The following ZNF280D variants were observed in gnomAD, a reference collection of about 807,000 sequenced individuals.
ZNF280D encodes zinc finger protein 280D, also known as suppressor of hairy wing homolog 4.
ZNF280D carries 39 observed loss-of-function variants against 94.7 expected under a neutral mutation model. The observed-to-expected ratio is 0.41, with a 90% CI of 0.32 to 0.54. ZNF280D has a LOEUF of 0.54. Among genes scored for constraint, ZNF280D ranks in the 20% least tolerant of loss-of-function variants. ZNF280D has a pLI of 0.22. For synonymous variants in ZNF280D, 398 were observed against 377.6 expected, an observed-to-expected ratio of 1.05 and a Z score of -0.63; for missense variants, 1,090 against 1,149.3, an observed-to-expected ratio of 0.95 and a Z score of 0.75.
chr15:56,654,698 T>C, intron 17 of ZNF280D, 195 bp from the exon 18 acceptor site: 3 of 630,176 alleles, frequency 4.8e-6, no homozygotes, highest in Non-Finnish European at 8.8e-6. Flanking sequence ...TGCTACCATT[T>C]ATTTACAGAA....
intron 19 of ZNF280D, among the ~76,000 whole-genome samples, chr15:56,643,396 C>T (rs1418868962): frequency 2.0e-5 from 3 of 151,478 alleles, no homozygotes; most frequent in African/African-American, 7.3e-5. Context: ...TTTACGATTA[C>T]AGGACTTAAG....
intron 17 of ZNF280D, among the ~76,000 whole-genome samples, chr15:56,655,638 T>C (rs1424823064): frequency 6.6e-6 from 1 of 152,256 alleles, no homozygotes; most frequent in African/African-American, 2.4e-5. Flanking sequence ...TCTAACTGTT[T>C]AGCATTTGCT....
intron 20 of ZNF280D, among the ~76,000 whole-genome samples, chr15:56,640,662 T>G (rs1210691137): frequency 6.6e-6 from 1 of 152,148 alleles, no homozygotes; most frequent in African/African-American, 2.4e-5. Context: ...CAATTTCTCT[T>G]GAACAAGTGA....
chr15:56,632,207 T>C, intron 21 of ZNF280D, 85 bp from the exon 22 acceptor site: 2 of 1,273,840 alleles, frequency 1.6e-6, no homozygotes, highest in Non-Finnish European at 2.1e-6. Flanking sequence ...TTCTAAAAAA[T>C]AAAAAGTCAA....
At chr15:56,635,061 A>T in intron 21 of ZNF280D, 134 bp downstream of exon 21, 2 of 421,372 alleles carry the variant, frequency 4.7e-6, no homozygotes, top group Non-Finnish European at 8.3e-6. Context: ...TATTTTAATT[A>T]AGAGCCATTA....
intron 1 of ZNF280D, among the ~76,000 whole-genome samples, chr15:56,713,618 G>C (rs541279301): frequency 1.3e-5 from 2 of 152,066 alleles, no homozygotes; most frequent in Non-Finnish European, 2.9e-5. Context: ...GAGCTTAAAG[G>C]ATACAAAGTG....
rs1403147491 is a variant in ZNF280D, at chr15:56,630,670, A to G, written c.*828T>C. ...ATTTCTAAGGAAGATCATTAAAACA[A>G]TATTAAAAGCATAATAGCTACAGGA... On this transcript the variant is annotated 3_prime_UTR_variant, in exon 22 of 22. Transcript: ENST00000267807. The G allele has an allele frequency of 6.6e-6, 1 of 152,170 alleles. No homozygotes were observed. The highest frequency in any genetic ancestry group is 1.5e-5 in the Non-Finnish European group (1 of 68,014). The allele number at this position is 152,170 out of a possible 1,614,324, so 9.4% of individuals were successfully genotyped here.
rs748736243 is a variant in ZNF280D, at chr15:56,701,185, C to T, written c.229G>A (p.Ala77Thr). 5.6e-6 allele frequency: 9 copies of T among 1,593,192 alleles called. No homozygotes were observed. The highest frequency in any genetic ancestry group is 7.7e-6 in the Non-Finnish European group (9 of 1,169,274). Residue 77 changes from alanine to threonine, a missense_variant, in exon 5 of 22, where the codon GCA (alanine) becomes ACA (threonine). This residue lies in a region of ZNF280D where 386 missense variants were observed against 372.0 expected (regional missense o/e 1.04). Transcript: ENST00000267807. ...AATAATACTGTACCTCGACTGAGTG[C>T]ACCATTCTTTAGTCCCCTTGAATAT... Reference protein sequence around the residue: ...SSYSRGLKNGALSRGITAAFK... With the variant: ...SSYSRGLKNGTLSRGITAAFK...
Position 56,707,299 on chromosome 15 carries a change from T to C in ZNF280D, c.-78A>G. 4 of 1,530,280 alleles carry C rather than the reference T, an allele frequency of 2.6e-6. No individual in the cohort carries two copies. Among genetic ancestry groups the C allele is most frequent in the Non-Finnish European group, 3.5e-6 (4 of 1,142,440 alleles). 94.8% of individuals were successfully genotyped at this position (1,530,280 alleles called of 1,614,324 possible). A position where few individuals can be genotyped will look rare whatever the true frequency, so the allele number is the denominator to read the frequency against. ...AGACAAGCCAGCAAGTTATTTCTGT[T>C]TTCCTTCCTATAAAATAAAGATACC... On this transcript the variant is annotated 5_prime_UTR_variant, in exon 2 of 22. Transcript: ENST00000267807.
chr15:56,662,859 A>T (rs2054039063), intron 16 of ZNF280D, among the ~76,000 whole-genome samples: 1 of 151,080 alleles, frequency 6.6e-6, no homozygotes, highest in Non-Finnish European at 1.5e-5. Context: ...GGCAAAATAG[A>T]TGAATAGTAC....
chr15:56,724,011 T>A (rs1210915552), intron 1 of ZNF280D, among the ~76,000 whole-genome samples: 1 of 152,228 alleles, frequency 6.6e-6, no homozygotes, highest in Non-Finnish European at 1.5e-5. Context: ...TTTACCCTCA[T>A]GATCATGTGG....
At chr15:56,632,247 G>T in intron 21 of ZNF280D, 125 bp from the exon 22 acceptor site, 1 of 912,634 alleles carries the variant, frequency 1.1e-6, no homozygotes, top group Non-Finnish European at 1.6e-6. Context: ...AAGGAAAACA[G>T]TCCAAGTTCC....
intron 20 of ZNF280D, among the ~76,000 whole-genome samples, chr15:56,641,507 G>T (rs1029357842): frequency 3.3e-5 from 5 of 151,866 alleles, no homozygotes; most frequent in African/African-American, 9.7e-5. Flanking sequence ...TGCCCATAAT[G>T]TAACTATATG....
intron 9 of ZNF280D, among the ~76,000 whole-genome samples, chr15:56,686,868 T>C (rs557498953): frequency 6.6e-6 from 1 of 152,106 alleles, no homozygotes; most frequent in Non-Finnish European, 1.5e-5. Context: ...ATTAATGAAA[T>C]AATGTATTTA....
chr15:56,699,237 A>G (rs1378130282), intron 6 of ZNF280D: 2 of 308,770 alleles, frequency 6.5e-6, no homozygotes, highest in Non-Finnish European at 9.5e-6. Context: ...GATATGTAAA[A>G]TAACAAGGCT....
chr15:56,641,599 T>C (rs1371963995), intron 20 of ZNF280D, among the ~76,000 whole-genome samples: 1 of 151,830 alleles, frequency 6.6e-6, no homozygotes, highest in Non-Finnish European at 1.5e-5. Flanking sequence ...ATATATCCTT[T>C]GTACAATACT....
intron 1 of ZNF280D, among the ~76,000 whole-genome samples, chr15:56,728,315 C>T (rs1462896047): frequency 2.0e-5 from 3 of 152,190 alleles, no homozygotes; most frequent in African/African-American, 2.4e-5. Flanking sequence ...CCACCACACC[C>T]GGCCTTGATA....
At chr15:56,714,775 C>A (rs1446164807) in intron 1 of ZNF280D, among the ~76,000 whole-genome samples, 1 of 152,162 alleles carries the variant, frequency 6.6e-6, no homozygotes, top group African/African-American at 2.4e-5. Flanking sequence ...CAAAACAATT[C>A]TCCAAGTTAG....
At chr15:56,709,249 C>G (rs2057607562) in intron 1 of ZNF280D, among the ~76,000 whole-genome samples, 1 of 152,136 alleles carries the variant, frequency 6.6e-6, no homozygotes, top group Non-Finnish European at 1.5e-5. Context: ...CCAACAGACA[C>G]ATGAAAAAAT....
Sources: gnomAD v4.1 joint callset for allele counts (sites outside exome capture counted in the v4.1 genomes callset) on GRCh38, gnomAD v4.1.1 for gene constraint, gnomAD v4.1.1 regional missense constraint, MANE v1.5 for transcripts, NCBI Gene and HGNC (gene_info 2026-07-23, HGNC 2026-07-21) for gene names.